The following TOP6BL variants were observed in gnomAD, a reference collection of about 807,000 sequenced individuals.
The protein encoded by TOP6BL is TOP6B like initiator of meiotic double strand breaks.
the TOP6BL span, among the ~76,000 whole-genome samples, chr11:66,793,472 G>A: frequency 7.8e-6 from 1 of 127,850 alleles, no homozygotes; most frequent in Non-Finnish European, 1.6e-5. Context: ...TTTAGACAGA[G>A]TCTTTCTCTG....
At chr11:66,770,456 C>G in the TOP6BL span, among the ~76,000 whole-genome samples, 1 of 152,120 alleles carries the variant, frequency 6.6e-6, no homozygotes, top group Non-Finnish European at 1.5e-5. Flanking sequence ...GTAATACCAG[C>G]GCTTTGGGAG....
the TOP6BL span, among the ~76,000 whole-genome samples, chr11:66,747,845 G>GT: frequency 6.7e-6 from 1 of 148,602 alleles, no homozygotes; most frequent in African/African-American, 2.5e-5. Flanking sequence ...ATCTCAAACT[G>GT]TTGAGCTCAA....
chr11:66,747,188 A>C, the TOP6BL span, among the ~76,000 whole-genome samples: 1 of 151,994 alleles, frequency 6.6e-6, no homozygotes, highest in South Asian at 2.1e-4. Context: ...CCACCGCCTC[A>C]ACCTCCCGAA....
the TOP6BL span, chr11:66,756,632 C>G: frequency 2.9e-6 from 2 of 697,246 alleles, no homozygotes; most frequent in Non-Finnish European, 3.6e-6. Flanking sequence ...AGAGACTTAT[C>G]TGTAAAATAC....
At chr11:66,776,898 A>C in the TOP6BL span, among the ~76,000 whole-genome samples, 1,080 of 152,182 alleles carry the variant, frequency 7.1e-3, 9 homozygotes, top group African/African-American at 0.024. Context: ...AAAAAATACA[A>C]AAATTAGCTG....
the TOP6BL span, among the ~76,000 whole-genome samples, chr11:66,833,112 G>A: frequency 3.6e-5 from 5 of 139,550 alleles, no homozygotes; most frequent in East Asian, 2.2e-4. Context: ...CAGTGGCAAC[G>A]ATCTTGGCTC....
At chr11:66,842,797 C>T in the TOP6BL span, 2 of 1,483,834 alleles carry the variant, frequency 1.3e-6, no homozygotes, top group Non-Finnish European at 1.8e-6. Context: ...GCCAAGGGTG[C>T]TCCTAGCACA....
At chr11:66,746,550 A>G in the TOP6BL span, among the ~76,000 whole-genome samples, 1 of 152,154 alleles carries the variant, frequency 6.6e-6, no homozygotes, top group Admixed American at 6.5e-5. Flanking sequence ...CTCCGTCACT[A>G]CTAAAAATAC....
the TOP6BL span, chr11:66,843,366 C>A: frequency 6.9e-7 from 1 of 1,441,844 alleles, no homozygotes; most frequent in Non-Finnish European, 9.1e-7. Context: ...CCGGGCGGGG[C>A]GGGGCGGGGC....
chr11:66,786,741 G>GT, the TOP6BL span, among the ~76,000 whole-genome samples: 19 of 152,268 alleles, frequency 1.2e-4, no homozygotes, highest in African/African-American at 4.3e-4. Flanking sequence ...GTTGCCTTAG[G>GT]TCAGAAAGTT....
chr11:66,746,545 T>C, the TOP6BL span, among the ~76,000 whole-genome samples: 1 of 152,124 alleles, frequency 6.6e-6, no homozygotes, highest in Admixed American at 6.5e-5. Context: ...AGAAACTCCG[T>C]CACTACTAAA....
chr11:66,799,035 C>T, the TOP6BL span, among the ~76,000 whole-genome samples: 78 of 151,488 alleles, frequency 5.1e-4, no homozygotes, highest in East Asian at 0.014. Flanking sequence ...GGCGAAACCC[C>T]GTCTCTACTA....
At chr11:66,808,846 T>C in the TOP6BL span, among the ~76,000 whole-genome samples, 1 of 152,154 alleles carries the variant, frequency 6.6e-6, no homozygotes, top group Non-Finnish European at 1.5e-5. Context: ...AACTGTCTAA[T>C]GTATATTTAA....
At chr11:66,802,374 C>T in the TOP6BL span, among the ~76,000 whole-genome samples, 9 of 152,078 alleles carry the variant, frequency 5.9e-5, no homozygotes, top group Admixed American at 1.3e-4. Flanking sequence ...AGGATGGTCT[C>T]AATCTCCTGA....
chr11:66,843,420 A>G, the TOP6BL span: 3 of 1,401,900 alleles, frequency 2.1e-6, no homozygotes, highest in African/African-American at 4.6e-5. Context: ...CCTCCCTGGG[A>G]CTGCGTCACT....
At chr11:66,768,007 G>A in the TOP6BL span, among the ~76,000 whole-genome samples, 2 of 152,132 alleles carry the variant, frequency 1.3e-5, no homozygotes, top group Admixed American at 6.6e-5. Context: ...GCCCAAGCTG[G>A]TTTTAAACTC....
chr11:66,780,442 T>C, the TOP6BL span, among the ~76,000 whole-genome samples: 56 of 152,228 alleles, frequency 3.7e-4, no homozygotes, highest in Non-Finnish European at 6.5e-4. Context: ...TTTCATCTTC[T>C]ATCTTAAAAT....
the TOP6BL span, among the ~76,000 whole-genome samples, chr11:66,810,441 G>A: frequency 6.6e-6 from 1 of 152,202 alleles, no homozygotes; most frequent in African/African-American, 2.4e-5. Flanking sequence ...AATCAGTTTA[G>A]AAGTTTATTT....
chr11:66,796,985 A>C, the TOP6BL span, among the ~76,000 whole-genome samples: 3 of 149,126 alleles, frequency 2.0e-5, no homozygotes, highest in East Asian at 2.0e-4. Flanking sequence ...GAGGCACTGC[A>C]CCTGGCCCAA....
Sources: gnomAD v4.1 joint callset for allele counts (sites outside exome capture counted in the v4.1 genomes callset) on GRCh38, gnomAD v4.1.1 for gene constraint, MANE v1.5 for transcripts, NCBI Gene and HGNC (gene_info 2026-07-23, HGNC 2026-07-21) for gene names.